Variants in PALM2AKAP2 observed in about 807,000 individuals in gnomAD.
PALM2AKAP2 encodes the protein PALM2-AKAP2 fusion protein.
Under a neutral mutation model 71.5 loss-of-function variants are expected in PALM2AKAP2, and 37 were observed. That is an observed-to-expected ratio of 0.52 (90% CI 0.40 to 0.68). PALM2AKAP2 has a LOEUF of 0.68. PALM2AKAP2 is among the 30% of genes least tolerant of loss of function. The pLI, the probability that PALM2AKAP2 is intolerant of heterozygous loss-of-function variation, is 0.00. For missense variants in PALM2AKAP2, 1,224 were observed against 1,191.8 expected (o/e 1.03, Z -0.40); for synonymous variants, 468 against 478.8 (o/e 0.98, Z 0.29).
At chr9:110,075,020 G>GAAAAA (rs1363292348) in intron 1 of PALM2AKAP2, among the ~76,000 whole-genome samples, 1 of 149,834 alleles carries the variant, frequency 6.7e-6, no homozygotes, top group African/African-American at 2.5e-5. Context: ...AAAAGAAAAA[G>GAAAAA]AAAAAGAAAA....
intron 6 of PALM2AKAP2, among the ~76,000 whole-genome samples, chr9:110,012,710 G>A (rs928850122): frequency 6.6e-6 from 1 of 152,114 alleles, no homozygotes; most frequent in Non-Finnish European, 1.5e-5. Context: ...CTTGATGGAA[G>A]ACTAAAATAT....
chr9:109,924,129 T>C (rs1237983277), intron 4 of PALM2AKAP2, among the ~76,000 whole-genome samples: 7 of 152,224 alleles, frequency 4.6e-5, no homozygotes, highest in Non-Finnish European at 1.0e-4. Context: ...GCCTTGTGCC[T>C]GAAAAGCCTT....
At chr9:110,076,408 T>C (rs1198230143) in intron 1 of PALM2AKAP2, among the ~76,000 whole-genome samples, 7 of 150,016 alleles carry the variant, frequency 4.7e-5, no homozygotes, top group South Asian at 4.2e-4. Context: ...TTCTCTCTGA[T>C]AGAATCCTGG....
intron 1 of PALM2AKAP2, among the ~76,000 whole-genome samples, chr9:109,855,021 G>A (rs1005234165): frequency 6.6e-6 from 1 of 151,708 alleles, no homozygotes; most frequent in African/African-American, 2.4e-5. Flanking sequence ...GCCCGCCTCG[G>A]CCCCCCAAAG....
intron 1 of PALM2AKAP2, among the ~76,000 whole-genome samples, chr9:109,715,752 T>C (rs1233953814): frequency 6.6e-6 from 1 of 152,248 alleles, no homozygotes; most frequent in African/African-American, 2.4e-5. Flanking sequence ...TAAACACTCA[T>C]TGTAGCCCCA....
At chr9:109,667,168 G>C (rs1230871537) in intron 1 of PALM2AKAP2, among the ~76,000 whole-genome samples, 2 of 152,138 alleles carry the variant, frequency 1.3e-5, no homozygotes, top group African/African-American at 4.8e-5. Flanking sequence ...TGGAATCAGA[G>C]GGAGAGTGGA....
chr9:110,138,248 A>G, exon 2 of PALM2AKAP2: 24 of 1,614,176 alleles, frequency 1.5e-5, no homozygotes, highest in Non-Finnish European at 2.0e-5. Context: ...CCCGATTAAC[A>G]TGGAGGAGAC....
intron 1 of PALM2AKAP2, among the ~76,000 whole-genome samples, chr9:109,672,811 T>C (rs1055417165): frequency 4.6e-4 from 70 of 152,098 alleles, no homozygotes; most frequent in African/African-American, 1.5e-3. Flanking sequence ...AGGGATTCCA[T>C]TTCTTCCCGG....
chr9:110,008,989 A>G (rs1469951324), intron 6 of PALM2AKAP2, among the ~76,000 whole-genome samples: 3 of 152,176 alleles, frequency 2.0e-5, no homozygotes, highest in Non-Finnish European at 2.9e-5. Flanking sequence ...ATCCTGTTAC[A>G]TGTCTGCAAG....
At chr9:109,965,284 C>A (rs1831926121) in intron 6 of PALM2AKAP2, among the ~76,000 whole-genome samples, 1 of 152,148 alleles carries the variant, frequency 6.6e-6, no homozygotes, top group African/African-American at 2.4e-5. Flanking sequence ...TATTTGTATA[C>A]CAATGCTCAC....
intron 1 of PALM2AKAP2, among the ~76,000 whole-genome samples, chr9:109,705,985 A>G (rs1008450073): frequency 3.3e-5 from 5 of 152,362 alleles, no homozygotes; most frequent in Admixed American, 3.3e-4. Context: ...AGAGAAGAAA[A>G]GAAGGAATGA....
intron 1 of PALM2AKAP2, among the ~76,000 whole-genome samples, chr9:109,838,988 C>G (rs1353083552): frequency 6.6e-6 from 1 of 152,146 alleles, no homozygotes; most frequent in South Asian, 2.1e-4. Flanking sequence ...CCTTCTGAAA[C>G]GATTCCAATG....
intron 1 of PALM2AKAP2, among the ~76,000 whole-genome samples, chr9:110,113,365 G>A (rs1445191413): frequency 1.3e-5 from 2 of 150,792 alleles, no homozygotes; most frequent in African/African-American, 2.4e-5. Flanking sequence ...CAGCCTCCCG[G>A]GTAGCTGGAA....
At chr9:110,114,755 C>G (rs922287083) in intron 1 of PALM2AKAP2, among the ~76,000 whole-genome samples, 1 of 152,190 alleles carries the variant, frequency 6.6e-6, no homozygotes, top group African/African-American at 2.4e-5. Context: ...CAGGATGAAG[C>G]AGAGGCTTTG....
At chr9:109,992,954 T>TAG (rs3063881) in intron 6 of PALM2AKAP2, among the ~76,000 whole-genome samples, 21,120 of 142,466 alleles carry the variant, frequency 0.15, 1,761 homozygotes, top group Middle Eastern at 0.24. Flanking sequence ...TATATATATA[T>TAG]AGAGAGAGAG....
At chr9:109,759,735 T>C (rs1207772773) in intron 1 of PALM2AKAP2, among the ~76,000 whole-genome samples, 1 of 152,180 alleles carries the variant, frequency 6.6e-6, no homozygotes, top group Non-Finnish European at 1.5e-5. Context: ...CAGAGAACTT[T>C]GTACCTCTCT....
At chr9:109,782,876 T>C (rs1329519376) in intron 1 of PALM2AKAP2, among the ~76,000 whole-genome samples, 2 of 152,050 alleles carry the variant, frequency 1.3e-5, no homozygotes, top group African/African-American at 2.4e-5. Context: ...TGCTTTGGTC[T>C]AGTGCCTACT....
intron 1 of PALM2AKAP2, among the ~76,000 whole-genome samples, chr9:109,817,231 G>C (rs1827876676): frequency 6.6e-6 from 1 of 152,212 alleles, no homozygotes; most frequent in Non-Finnish European, 1.5e-5. Context: ...ATGTTGAGTT[G>C]CTACTTGGAC....
At chr9:110,075,488 C>T (rs1339710015) in intron 1 of PALM2AKAP2, among the ~76,000 whole-genome samples, 1 of 152,002 alleles carries the variant, frequency 6.6e-6, no homozygotes, top group Non-Finnish European at 1.5e-5. Flanking sequence ...GAAAAGAAAA[C>T]TCAATCCAAA....
Sources: gnomAD v4.1 joint callset for allele counts (sites outside exome capture counted in the v4.1 genomes callset) on GRCh38, gnomAD v4.1.1 for gene constraint, MANE v1.5 for transcripts, NCBI Gene and HGNC (gene_info 2026-07-23, HGNC 2026-07-21) for gene names.